EBF1: variants seen among roughly 807,000 people sequenced by gnomAD.
The protein encoded by EBF1 is transcription factor COE1.
A neutral mutation model predicts 68.4 loss-of-function variants in EBF1; 10 were observed. That is an observed-to-expected ratio of 0.15 (90% CI 0.09 to 0.25). The LOEUF (loss-of-function observed/expected upper bound fraction) is 0.25. EBF1 is among the 10% of genes least tolerant of loss of function. The pLI is 1.00. For synonymous variants in EBF1, 298 were observed against 299.8 expected (o/e 0.99, Z 0.06); for missense variants, 509 against 794.4 (o/e 0.64, Z 4.32).
At chr5:159,076,069 C>A (rs981753975) in intron 5 of EBF1, among the ~76,000 whole-genome samples, 1 of 151,792 alleles carries the variant, frequency 6.6e-6, no homozygotes, top group Non-Finnish European at 1.5e-5. Flanking sequence ...TAACTCAATG[C>A]AAATTATATT....
At chr5:158,779,233 C>CT (rs142606218) in intron 9 of EBF1, among the ~76,000 whole-genome samples, 27 of 148,266 alleles carry the variant, frequency 1.8e-4, no homozygotes, top group African/African-American at 2.5e-4. Flanking sequence ...TATTTTTATC[C>CT]TTTTTTTTTT....
intron 10 of EBF1, among the ~76,000 whole-genome samples, chr5:158,775,725 C>A (rs1774985623): frequency 6.7e-6 from 1 of 149,442 alleles, no homozygotes; most frequent in African/African-American, 2.5e-5. Flanking sequence ...TTTCCTGCAG[C>A]CCCATAATGA....
At chr5:158,998,520 G>A (rs1264001018) in intron 6 of EBF1, among the ~76,000 whole-genome samples, 1 of 152,146 alleles carries the variant, frequency 6.6e-6, no homozygotes, top group Non-Finnish European at 1.5e-5. Flanking sequence ...ACAGGTATTC[G>A]ATACATAACG....
chr5:159,094,115 A>T (rs376755409), intron 4 of EBF1, among the ~76,000 whole-genome samples: 1 of 149,386 alleles, frequency 6.7e-6, no homozygotes, highest in African/African-American at 2.5e-5. Context: ...GACATCGCAA[A>T]AGAAAAAAAG....
chr5:159,023,479 A>G (rs913017044), intron 6 of EBF1, among the ~76,000 whole-genome samples: 6 of 152,196 alleles, frequency 3.9e-5, no homozygotes, highest in Non-Finnish European at 8.8e-5. Context: ...TGTGCCTCAT[A>G]CTGATAGACT....
chr5:158,745,813 T>C (rs1767438784), intron 10 of EBF1, among the ~76,000 whole-genome samples: 1 of 152,204 alleles, frequency 6.6e-6, no homozygotes, highest in African/African-American at 2.4e-5. Flanking sequence ...TGTTGATCTA[T>C]AAGCAAACAC....
intron 5 of EBF1, among the ~76,000 whole-genome samples, chr5:159,074,627 C>T (rs1411558313): frequency 5.3e-5 from 8 of 152,160 alleles, no homozygotes; most frequent in African/African-American, 4.8e-5. Context: ...TATACTCCTG[C>T]GTAGGGAGTC....
chr5:158,770,273 C>G (rs1773610214), intron 10 of EBF1, among the ~76,000 whole-genome samples: 1 of 151,934 alleles, frequency 6.6e-6, no homozygotes, highest in African/African-American at 2.4e-5. Context: ...CTCTTAAATT[C>G]CTCTTGATTC....
chr5:158,731,927 C>A (rs1342828864), intron 10 of EBF1, among the ~76,000 whole-genome samples: 1 of 152,208 alleles, frequency 6.6e-6, no homozygotes, highest in Non-Finnish European at 1.5e-5. Flanking sequence ...TGACTACACA[C>A]TCTTTAAAGC....
At chr5:159,082,615 C>T (rs141991615) in intron 5 of EBF1, among the ~76,000 whole-genome samples, 29 of 152,032 alleles carry the variant, frequency 1.9e-4, no homozygotes, top group African/African-American at 5.8e-4. Context: ...TTCCTAAAGC[C>T]CCCTAAAGAG....
chr5:158,772,968 G>T (rs1774197481), intron 10 of EBF1, among the ~76,000 whole-genome samples: 1 of 152,084 alleles, frequency 6.6e-6, no homozygotes, highest in Non-Finnish European at 1.5e-5. Context: ...GGCATCATAT[G>T]ATGTCCCAAG....
At chr5:158,994,818 T>C (rs1761090456) in intron 6 of EBF1, among the ~76,000 whole-genome samples, 1 of 152,226 alleles carries the variant, frequency 6.6e-6, no homozygotes, top group African/African-American at 2.4e-5. Flanking sequence ...TGGATGACTT[T>C]TTGCATTAGG....
intron 15 of EBF1, 81 bp from the exon 16 acceptor site, chr5:158,699,223 A>G: frequency 1.4e-6 from 2 of 1,433,434 alleles, no homozygotes; most frequent in South Asian, 1.3e-5. Context: ...CTAAAAAAAA[A>G]AAAACACCCA....
chr5:158,954,472 CA>C (rs1340150113), intron 6 of EBF1, among the ~76,000 whole-genome samples: 6 of 152,194 alleles, frequency 3.9e-5, no homozygotes, highest in Non-Finnish European at 5.9e-5. Flanking sequence ...ATAAATGTGC[CA>C]ACAATTATTT....
At chr5:159,084,612 T>A (rs1312273735) in intron 5 of EBF1, 54 bp downstream of exon 5, 3 of 1,406,114 alleles carry the variant, frequency 2.1e-6, no homozygotes, top group Non-Finnish European at 2.9e-6. Context: ...AGATTTGAAA[T>A]GCAAATTCAT....
chr5:158,858,628 C>T (rs181451279), intron 6 of EBF1, among the ~76,000 whole-genome samples: 22 of 152,324 alleles, frequency 1.4e-4, no homozygotes, highest in Admixed American at 1.4e-3. Flanking sequence ...TCCCCAAATT[C>T]TCTCCTCTGT....
intron 4 of EBF1, among the ~76,000 whole-genome samples, chr5:159,092,632 T>C (rs1279449756): frequency 1.3e-5 from 2 of 152,296 alleles, no homozygotes; most frequent in Non-Finnish European, 2.9e-5. Context: ...AATGCAAAAA[T>C]AGTTTTAAAT....
intron 6 of EBF1, among the ~76,000 whole-genome samples, chr5:158,892,041 T>C (rs939691020): frequency 2.0e-5 from 3 of 152,226 alleles, no homozygotes; most frequent in Non-Finnish European, 4.4e-5. Flanking sequence ...CAGGGAATAC[T>C]ATCTTCCAAA....
At chr5:158,934,146 G>T (rs1402580052) in intron 6 of EBF1, among the ~76,000 whole-genome samples, 1 of 152,122 alleles carries the variant, frequency 6.6e-6, no homozygotes, top group Admixed American at 6.5e-5. Context: ...TGTGTATGTG[G>T]TATGATTACC....
Sources: allele counts gnomAD v4.1 joint callset (sites outside exome capture counted in the v4.1 genomes callset), GRCh38; gene constraint gnomAD v4.1.1; transcripts MANE v1.5; gene names NCBI Gene and HGNC (gene_info 2026-07-23, HGNC 2026-07-21).